The following MFHAS1 variants were observed in gnomAD, a reference collection of about 807,000 sequenced individuals.
MFHAS1 encodes malignant fibrous histiocytoma-amplified sequence 1.
In MFHAS1, 50 loss-of-function variants were observed where a neutral mutation model predicts 70.4. The observed-to-expected ratio is 0.71, with a 90% CI of 0.57 to 0.90. MFHAS1 has a LOEUF of 0.90. Ranked by LOEUF, MFHAS1 falls within the 40% of genes least tolerant of loss-of-function variation. The probability of loss-of-function intolerance (pLI) is 0.00; values close to 1 mark genes in which losing one functional copy is unlikely to be tolerated. For synonymous variants in MFHAS1, 952 were observed against 620.0 expected (o/e 1.54, Z -7.96); for missense variants, 1,795 against 1,347.6 (o/e 1.33, Z -5.20).
intron 2 of MFHAS1, among the ~76,000 whole-genome samples, chr8:8,796,011 T>C (rs975716691): frequency 2.6e-5 from 4 of 152,204 alleles, no homozygotes; most frequent in African/African-American, 4.8e-5. Flanking sequence ...AGAAGATCTG[T>C]GGCTGCTGCT....
At chr8:8,792,927 C>T (rs1805766767) in intron 2 of MFHAS1, among the ~76,000 whole-genome samples, 1 of 152,182 alleles carries the variant, frequency 6.6e-6, no homozygotes, top group South Asian at 2.1e-4. Flanking sequence ...ATGTTCACCT[C>T]ATCTTAAATG....
chr8:8,790,414 T>G, intron 2 of MFHAS1: 1 of 982,142 alleles, frequency 1.0e-6, no homozygotes, highest in Non-Finnish European at 1.2e-6. Context: ...CACTTAATTT[T>G]CCAAGAAAGT....
intron 2 of MFHAS1, among the ~76,000 whole-genome samples, chr8:8,791,643 C>G (rs1360013040): frequency 6.6e-6 from 1 of 152,190 alleles, no homozygotes; most frequent in African/African-American, 2.4e-5. Flanking sequence ...AGTAGCTGGA[C>G]AGAGACAGGA....
intron 2 of MFHAS1, among the ~76,000 whole-genome samples, chr8:8,792,186 G>C (rs377360572): frequency 2.6e-5 from 4 of 152,208 alleles, no homozygotes; most frequent in East Asian, 3.9e-4. Flanking sequence ...GCAGTGAGCC[G>C]AGATCATGCC....
At position 8,891,315 on chromosome 8, in the gene MFHAS1, G is replaced by A. The variant is rs766713392; in HGVS notation, c.1744C>T (p.Arg582Trp). ...CTGGCAGAGCGCAGCTCGAAGTCCC[G>A]GGCCAGTGCCTCGTCCACCACCTTG... ...LAKVVDEALA[R>W]DFELRSASPH... Residue 582 changes from arginine (R) to tryptophan (W), a missense_variant, in exon 1 of 3, where the codon CGG becomes TGG. Transcript: ENST00000276282. The surrounding 1 kb of genome is among the most constrained non-coding windows in gnomAD (Gnocchi z 5.4). 5.0e-6 allele frequency: 8 copies of A among 1,611,194 alleles called. No individual in the cohort carries two copies. The East Asian group carries it at 6.7e-5, about 13-fold the overall frequency.
rs188778572 is a variant in MFHAS1, at chr8:8,847,356, A to G, written c.2998+42705T>C. Among the ~76,000 whole-genome samples, 75 of 152,136 alleles carry G rather than the reference A, an allele frequency of 4.9e-4. No homozygotes were observed. The East Asian group carries it at 0.013, about 26-fold the overall frequency. On this transcript the variant is annotated intron_variant, in intron 1 of 2. Transcript: ENST00000276282. ...GCCACCGCACCCAGCTAATTTTTGT[A>G]TTTTTAGTAGAGACGGGGTTTCACC...
At chr8:8,815,956 T>C (rs976389907) in intron 1 of MFHAS1, among the ~76,000 whole-genome samples, 38 of 152,224 alleles carry the variant, frequency 2.5e-4, no homozygotes, top group African/African-American at 7.7e-4. Context: ...ATTCGTACAA[T>C]AGACTACTAT....
At chr8:8,795,922 C>T (rs1358350286) in intron 2 of MFHAS1, among the ~76,000 whole-genome samples, 3 of 152,122 alleles carry the variant, frequency 2.0e-5, no homozygotes, top group African/African-American at 4.8e-5. Context: ...AAGAAAGAGT[C>T]GAGTTTGCTG....
rs539792310 is a variant in MFHAS1 at position 8,829,437 on chromosome 8, T to C, written c.2999-31946A>G. ...GGCCCATGCCTGTAATCAGAGCACG[T>C]TGGGAGGCCTAGGTGGGTAGATCAC... On this transcript the variant is annotated intron_variant, in intron 1 of 2. Transcript: ENST00000276282. Among the ~76,000 whole-genome samples the C allele has an allele frequency of 6.6e-5, 10 of 152,320 alleles. No homozygotes were observed. The East Asian group carries it at 1.2e-3, about 18-fold the overall frequency.
chr8:8,795,651 C>T (rs1805866653), intron 2 of MFHAS1, among the ~76,000 whole-genome samples: 1 of 152,200 alleles, frequency 6.6e-6, no homozygotes, highest in African/African-American at 2.4e-5. Context: ...CGAGTGCCCT[C>T]TACTTCTACT....
chr8:8,787,876 C>T (rs1486869281), intron 2 of MFHAS1, among the ~76,000 whole-genome samples: 2 of 152,356 alleles, frequency 1.3e-5, no homozygotes, highest in East Asian at 3.9e-4. Context: ...TCCCACTGTT[C>T]AACCAGCTTG....
In MFHAS1 at chr8:8,891,598, G is replaced by A. The variant is rs746694808; in HGVS notation, c.1461C>T (p.Ile487=). 13 of 1,613,352 alleles carry A rather than the reference G, an allele frequency of 8.1e-6. No individual in the cohort carries two copies. The highest frequency in any genetic ancestry group is 1.0e-5 in the Non-Finnish European group (12 of 1,180,032). ...CCCCTGGGGACAGGAAGAAGGGCTG[G>A]ATCACCTCATAACTTTCATCCCCAG... The part of the protein sequence containing the change: ...DLAGDESYEV[I]QPFFLSPGAL... The change falls in exon 1 of 3, where the codon ATC becomes ATT. Residue 487 remains isoleucine (I), a synonymous_variant. Transcript: ENST00000276282. This position sits in a 1 kb window ranked among gnomAD's most constrained non-coding sequence, Gnocchi z 5.4.
At chr8:8,822,468 G>T (rs1473455384) in intron 1 of MFHAS1, among the ~76,000 whole-genome samples, 2 of 141,986 alleles carry the variant, frequency 1.4e-5, no homozygotes, top group Non-Finnish European at 3.1e-5. Flanking sequence ...AGTCAGGGGG[G>T]ATTGAGATGG....
intron 1 of MFHAS1, among the ~76,000 whole-genome samples, chr8:8,815,177 C>A (rs1439824209): frequency 6.6e-6 from 1 of 152,102 alleles, no homozygotes; most frequent in Non-Finnish European, 1.5e-5. Context: ...CCAACCATGT[C>A]CCTGCAAAGG....
intron 1 of MFHAS1, among the ~76,000 whole-genome samples, chr8:8,883,152 C>G (rs1809595624): frequency 6.6e-6 from 1 of 151,818 alleles, no homozygotes; most frequent in Admixed American, 6.6e-5. Flanking sequence ...GACTCCGTCT[C>G]AAAACAAAAA....
At chr8:8,791,815 G>A (rs1199159173) in intron 2 of MFHAS1, among the ~76,000 whole-genome samples, 1 of 152,160 alleles carries the variant, frequency 6.6e-6, no homozygotes, top group Non-Finnish European at 1.5e-5. Flanking sequence ...TTCTAAAGGA[G>A]GAGCTCTCCA....
intron 1 of MFHAS1, among the ~76,000 whole-genome samples, chr8:8,801,247 G>A (rs1490517312): frequency 1.3e-5 from 2 of 152,068 alleles, no homozygotes; most frequent in Non-Finnish European, 2.9e-5. Flanking sequence ...AGAATGTACA[G>A]CAGACTATTA....
At chr8:8,801,497 C>T (rs1206725820) in intron 1 of MFHAS1, among the ~76,000 whole-genome samples, 1 of 152,196 alleles carries the variant, frequency 6.6e-6, no homozygotes, top group Non-Finnish European at 1.5e-5. Flanking sequence ...CAACCTACTA[C>T]GCGGTGCCAG....
chr8:8,872,261 C>T (rs1585064211), intron 1 of MFHAS1, among the ~76,000 whole-genome samples: 1 of 152,244 alleles, frequency 6.6e-6, no homozygotes, highest in South Asian at 2.1e-4. Context: ...GAATGTACAC[C>T]GTTCTAATTC....
Sources: gnomAD v4.1 joint callset for allele counts (sites outside exome capture counted in the v4.1 genomes callset) on GRCh38, gnomAD v4.1.1 for gene constraint, Gnocchi (gnomAD v3.1) non-coding constraint, MANE v1.5 for transcripts, NCBI Gene and HGNC (gene_info 2026-07-23, HGNC 2026-07-21) for gene names.